The following MYOM2 variants were observed in gnomAD, a reference collection of about 807,000 sequenced individuals.
MYOM2 encodes myomesin-2.
MYOM2 carries 254 observed loss-of-function variants against 187.6 expected under a neutral mutation model. The ratio of observed to expected loss-of-function variants is 1.35; its 90% CI spans 1.22 to 1.50. The LOEUF (loss-of-function observed/expected upper bound fraction) is 1.50, where lower values mean the gene tolerates loss of function less well. MYOM2 is among the 40% of genes most tolerant of loss of function. The probability of loss-of-function intolerance (pLI) is 0.00; values close to 1 mark genes in which losing one functional copy is unlikely to be tolerated. For synonymous variants in MYOM2, 981 were observed against 753.8 expected (o/e 1.30, Z -4.94); for missense variants, 2,796 against 1,924.0 (o/e 1.45, Z -8.48).
At chr8:2,050,678 T>G in intron 1 of MYOM2, 77 bp from the exon 2 acceptor site, 1 of 844,482 alleles carries the variant, frequency 1.2e-6, no homozygotes, top group Non-Finnish European at 1.9e-6. Context: ...ATTTTCCCCT[T>G]TGGAATGATG....
intron 28 of MYOM2, among the ~76,000 whole-genome samples, chr8:2,121,915 A>C (rs746785748): frequency 5.9e-5 from 9 of 152,218 alleles, no homozygotes; most frequent in Non-Finnish European, 1.2e-4. Flanking sequence ...TAAAGAGTTT[A>C]TGGTAGAGAG....
Position 2,093,973 on chromosome 8 carries a change from C to G in MYOM2, c.2007C>G (p.Phe669Leu), listed in dbSNP as rs765652847. Residue 669 changes from phenylalanine to leucine, a missense_variant, in exon 17 of 37, where the codon TTC becomes TTG. By Grantham distance (22) the Phe-to-Leu change is conservative (BLOSUM62 0). Transcript: ENST00000262113. ...CCCTGATCCCTGTGTTTCTCAGGTT[C>G]GTGGTGCACGGCTTAACCACGGGAG... is the stretch of plus-strand genomic sequence containing the variant. ...CNHKPIGYNR[F>L]VVHGLTTGEQ... 1 of 1,613,882 alleles carries G rather than the reference C, an allele frequency of 6.2e-7. No homozygotes were observed. The highest frequency in any genetic ancestry group is 1.3e-5 in the African/African-American group (1 of 75,012).
At chr8:2,100,040 C>T (rs1295211769) in intron 19 of MYOM2, among the ~76,000 whole-genome samples, 1 of 122,924 alleles carries the variant, frequency 8.1e-6, no homozygotes, top group African/African-American at 2.7e-5. Context: ...TTCTTTCCTT[C>T]CTTCCTTCTT....
At chr8:2,066,904 G>C (rs1819037224) in intron 6 of MYOM2, among the ~76,000 whole-genome samples, 1 of 152,228 alleles carries the variant, frequency 6.6e-6, no homozygotes, top group Non-Finnish European at 1.5e-5. Flanking sequence ...TAGAATTGTA[G>C]CTTTGCTGAT....
At chr8:2,071,046 C>T (rs1367457217) in intron 8 of MYOM2, among the ~76,000 whole-genome samples, 1 of 152,172 alleles carries the variant, frequency 6.6e-6, no homozygotes, top group East Asian at 1.9e-4. Context: ...TGGCTCACTG[C>T]AGCCTTGATC....
intron 18 of MYOM2, chr8:2,098,150 G>A (rs1294352997): frequency 1.3e-5 from 2 of 152,262 alleles, no homozygotes; most frequent in East Asian, 1.9e-4. Flanking sequence ...AGCTAGTCCA[G>A]TGAGGAGGAT....
intron 32 of MYOM2, among the ~76,000 whole-genome samples, chr8:2,130,544 A>C (rs1389478236): frequency 6.6e-6 from 1 of 152,250 alleles, no homozygotes; most frequent in Non-Finnish European, 1.5e-5. Flanking sequence ...TGCTTAGGTG[A>C]CTGTAAGTAA....
intron 32 of MYOM2, among the ~76,000 whole-genome samples, chr8:2,136,908 C>T (rs73657777): frequency 7.2e-5 from 11 of 152,002 alleles, no homozygotes; most frequent in African/African-American, 1.2e-4. Context: ...GCATTTGCAG[C>T]GCAACTTTCG....
intron 1 of MYOM2, among the ~76,000 whole-genome samples, chr8:2,048,927 C>G (rs539401417): frequency 1.2e-4 from 18 of 151,942 alleles, no homozygotes; most frequent in Non-Finnish European, 2.4e-4. Context: ...GTAGCTGGGA[C>G]TACAGGGGAC....
chr8:2,088,229 G>T (rs115679648), intron 14 of MYOM2, among the ~76,000 whole-genome samples: 3,334 of 152,234 alleles, frequency 0.022, 124 homozygotes, highest in African/African-American at 0.077. Context: ...CAAGTCCCCA[G>T]AGTCTATTGT....
Position 2,076,181 on chromosome 8 carries a change from G to C in MYOM2, c.1161G>C (p.Met387Ile). Residue 387 changes from methionine (M) to isoleucine (I), a missense_variant, in exon 11 of 37, where the codon ATG (methionine) becomes ATC (isoleucine). Transcript: ENST00000262113. Reference sequence around the variant, plus strand: ...TCACAGGGGCCCCCGGTGCACCCATGGACTTGCAGTGCCACGACGCCAACC... The same window carrying C: ...TCACAGGGGCCCCCGGTGCACCCATCGACTTGCAGTGCCACGACGCCAACC... Reference protein sequence around the residue: ...PLVTGAPGAPMDLQCHDANRD... With the variant: ...PLVTGAPGAPIDLQCHDANRD... 6.2e-7 allele frequency: 1 copy of C among 1,613,316 alleles called. No individual in the cohort carries two copies. The highest frequency in any genetic ancestry group is 8.5e-7 in the Non-Finnish European group (1 of 1,179,898).
chr8:2,140,862 C>T lies in MYOM2; in HGVS notation c.3940C>T (p.Arg1314Cys), dbSNP rs142380219. ...TTTCGATGGCAAAGACAACCATCAA[C>T]GCTCCCTTGACCTGTCCGGACAAGG... ...EIFDGKDNHQ[R>C]SLDLSGQAFD... The change falls in exon 33 of 37, where the codon CGC becomes TGC. Residue 1314 changes from arginine to cysteine, a missense_variant. Coordinates refer to ENST00000262113, the MANE Select transcript of MYOM2 (RefSeq NM_003970.4). 47 of 1,613,844 alleles carry T rather than the reference C, an allele frequency of 2.9e-5. No individual in the cohort carries two copies. The highest frequency in any genetic ancestry group is 1.1e-4 in the African/African-American group (8 of 74,918).
intron 18 of MYOM2, chr8:2,097,062 C>G: frequency 1.1e-6 from 1 of 940,542 alleles, no homozygotes; most frequent in Non-Finnish European, 1.3e-6. Context: ...TCTCACACTA[C>G]AGCTCCCGTC....
rs1428335953 is a variant in MYOM2 at position 2,144,731 on chromosome 8, A to G, written c.4148A>G (p.Gln1383Arg). 1.2e-6 allele frequency: 2 copies of G among 1,613,792 alleles called. No homozygotes were observed. The highest frequency in any genetic ancestry group is 1.1e-5 in the South Asian group (1 of 91,074). ...GAAGTGATTTGGTTCAAGAACGACC[A>G]GGACATCCAGCTCAGCGAGCACTTC... The part of the protein sequence containing the change: ...DPEVIWFKND[Q>R]DIQLSEHFSV... Residue 1383 changes from glutamine (Q) to arginine (R), a missense_variant, in exon 37 of 37, where the codon CAG becomes CGG. Coordinates refer to ENST00000262113, the MANE Select transcript of MYOM2 (RefSeq NM_003970.4).
At chr8:2,135,522 G>A (rs1302189877) in intron 32 of MYOM2, among the ~76,000 whole-genome samples, 6 of 152,004 alleles carry the variant, frequency 3.9e-5, no homozygotes, top group Non-Finnish European at 5.9e-5. Context: ...ACCTGCCCCC[G>A]CCCCTTACCT....
At chr8:2,104,717 G>A (rs1050659136) in intron 21 of MYOM2, among the ~76,000 whole-genome samples, 7 of 152,124 alleles carry the variant, frequency 4.6e-5, no homozygotes, top group African/African-American at 1.2e-4. Context: ...TGGTGGCTCC[G>A]GTGAGGGCCT....
chr8:2,058,531 C>T (rs556114102), intron 5 of MYOM2, among the ~76,000 whole-genome samples: 1 of 152,256 alleles, frequency 6.6e-6, no homozygotes, highest in South Asian at 2.1e-4. Context: ...ATCTTTAAGC[C>T]CTCAAGACCC....
chr8:2,056,972 C>G (rs777069047), intron 3 of MYOM2, among the ~76,000 whole-genome samples: 20 of 152,294 alleles, frequency 1.3e-4, no homozygotes, highest in African/African-American at 4.8e-4. Context: ...ATTAAGTTCC[C>G]GACTCTCTGA....
chr8:2,052,159 C>T lies in MYOM2; in HGVS notation c.109C>T (p.Arg37Ter), dbSNP rs779496715. The change falls in exon 3 of 37, where the codon CGA becomes TGA. Residue 37 changes from arginine (R) to a stop codon, truncating the protein, a stop_gained and splice_region_variant. Transcript: ENST00000262113. LOFTEE classifies it high-confidence loss of function. ...CTAATCGTGTCCATGTTCCTGAAGGCGAGCTTCCACCCAGGCATCTTCCCA... is the reference window on the plus strand; with the variant it reads ...CTAATCGTGTCCATGTTCCTGAAGGTGAGCTTCCACCCAGGCATCTTCCCA... Reference protein sequence around the residue: ...YLLDEYASKKRASTQASSQKS... With the variant: ...YLLDEYASKK The T allele has an allele frequency of 1.9e-5, 30 of 1,612,852 alleles. No homozygotes were observed. The highest frequency in any genetic ancestry group is 1.6e-4 in the East Asian group (7 of 44,840).
Sources: allele counts gnomAD v4.1 joint callset (sites outside exome capture counted in the v4.1 genomes callset), GRCh38; gene constraint gnomAD v4.1.1; transcripts MANE v1.5; gene names NCBI Gene and HGNC (gene_info 2026-07-23, HGNC 2026-07-21).